Variants in ABCA5 observed in about 807,000 individuals in gnomAD.
The protein encoded by ABCA5 is ATP binding cassette subfamily A member 5, also known as cholesterol transporter ABCA5.
ABCA5 carries 163 observed loss-of-function variants against 206.0 expected under a neutral mutation model. The ratio of observed to expected loss-of-function variants is 0.79; its 90% confidence interval spans 0.70 to 0.90. The LOEUF (loss-of-function observed/expected upper bound fraction) is 0.90, where lower values mean the gene tolerates loss of function less well. ABCA5 is among the 40% of genes least tolerant of loss of function. The pLI is 0.00. For missense variants in ABCA5, 1,859 were observed against 1,912.9 expected (o/e 0.97, Z 0.53); for synonymous variants, 609 against 613.8 (o/e 0.99, Z 0.11).
intron 32 of ABCA5, 92 bp downstream of exon 32, chr17:69,254,223 G>A: frequency 9.6e-7 from 1 of 1,046,042 alleles, no homozygotes; most frequent in Non-Finnish European, 1.4e-6. Flanking sequence ...AAAAATCATT[G>A]TCCACAGAAA....
At chr17:69,265,854 A>G (rs2075201677) in intron 23 of ABCA5, among the ~76,000 whole-genome samples, 1 of 152,218 alleles carries the variant, frequency 6.6e-6, no homozygotes, top group African/African-American at 2.4e-5. Context: ...ATAAAATGGA[A>G]CACTCATCTT....
At chr17:69,310,280 C>T (rs1392746352) in intron 3 of ABCA5, among the ~76,000 whole-genome samples, 1 of 151,990 alleles carries the variant, frequency 6.6e-6, no homozygotes, top group Non-Finnish European at 1.5e-5. Flanking sequence ...GGTCGATAGT[C>T]ACTCATCACC....
chr17:69,265,823 C>T (rs2144923183), intron 23 of ABCA5, among the ~76,000 whole-genome samples: 2 of 152,304 alleles, frequency 1.3e-5, no homozygotes, highest in East Asian at 3.9e-4. Context: ...TTGTCATTCA[C>T]ACACTGCTGG....
chr17:69,312,811 C>T (rs1197495643), intron 3 of ABCA5, among the ~76,000 whole-genome samples: 2 of 152,026 alleles, frequency 1.3e-5, no homozygotes, highest in Non-Finnish European at 2.9e-5. Context: ...CCCATCAAAG[C>T]TTGTATCTTA....
chr17:69,309,285 G>A lies in ABCA5; in HGVS notation c.446C>T (p.Ser149Phe), dbSNP rs2075747499. ...ACCTCTTGAATCCATATAAATAGAAGATACTGGAATCATATCAGGAAAAAA... is the reference window on the plus strand; with the variant it reads ...ACCTCTTGAATCCATATAAATAGAAAATACTGGAATCATATCAGGAAAAAA... ...LRFFPDMIPV[S>F]SIYMDSRAGC... is the part of the protein sequence containing the mutation. The change falls in exon 4 of 39, where the codon TCT becomes TTT. Residue 149 changes from serine to phenylalanine, a missense_variant. Physicochemically the swap from Ser to Phe is radical, Grantham distance 155. Coordinates refer to ENST00000392676, the MANE Select transcript of ABCA5 (RefSeq NM_172232.4). 1.5e-5 allele frequency: 24 copies of A among 1,583,814 alleles called. No individual in the cohort carries two copies. The highest frequency in any genetic ancestry group is 2.0e-5 in the Non-Finnish European group (24 of 1,171,214).
At position 69,326,620 on chromosome 17, in the gene ABCA5, AC is replaced by A. The variant is rs2075898255; in HGVS notation, c.-16+431del. ...TCGCAGGGAAGAGCAAGCGCTCATT[AC>A]CCAGCTGTTCAGACGGAAATTTACA... On this transcript the variant is annotated intron_variant, in intron 1 of 38. Coordinates refer to ENST00000392676, the MANE Select transcript of ABCA5 (RefSeq NM_172232.4). The surrounding 1 kb of genome is among the most constrained non-coding windows in gnomAD (Gnocchi z 4.8). Among the ~76,000 whole-genome samples the A allele has an allele frequency of 6.6e-6, 1 of 152,298 alleles. No homozygotes were observed. Among genetic ancestry groups the A allele is most frequent in the East Asian group, 1.9e-4 (1 of 5,166 alleles).
intron 12 of ABCA5, among the ~76,000 whole-genome samples, chr17:69,290,318 C>T (rs544363469): frequency 6.6e-6 from 1 of 152,186 alleles, no homozygotes; most frequent in African/African-American, 2.4e-5. Context: ...ACTATTTACA[C>T]TTGTATTCCA....
At chr17:69,282,522 G>A (rs1183687366) in intron 18 of ABCA5, among the ~76,000 whole-genome samples, 1 of 152,148 alleles carries the variant, frequency 6.6e-6, no homozygotes, top group African/African-American at 2.4e-5. Context: ...TGTAATCCTA[G>A]CACTTTGGGA....
intron 8 of ABCA5, among the ~76,000 whole-genome samples, chr17:69,301,610 T>C (rs1435947294): frequency 6.6e-6 from 1 of 151,994 alleles, no homozygotes; most frequent in Non-Finnish European, 1.5e-5. Context: ...ATATTAATAA[T>C]AACAAATGCA....
At chr17:69,255,188 T>A (rs1598149146) in intron 31 of ABCA5, among the ~76,000 whole-genome samples, 1 of 152,100 alleles carries the variant, frequency 6.6e-6, no homozygotes, top group Non-Finnish European at 1.5e-5. Flanking sequence ...CACAAAGTGG[T>A]CAGTGACATG....
Position 69,314,311 on chromosome 17 carries a change from T to A in ABCA5, c.102+3A>T, listed in dbSNP as rs201282892. 5.8e-5 allele frequency: 93 copies of A among 1,599,588 alleles called. 1 individual carries two copies. The African/African-American group carries it at 1.2e-3, about 20-fold the overall frequency. Reference sequence around the variant, plus strand: ...AAGCATAAGAAAGAGTTATTTAACTTACCTGAACACTACTCTTTTTGGTTC... The same window carrying A: ...AAGCATAAGAAAGAGTTATTTAACTAACCTGAACACTACTCTTTTTGGTTC... On this transcript the variant is annotated splice_donor_region_variant and intron_variant, in intron 2 of 38. Coordinates refer to ENST00000392676, the MANE Select transcript of ABCA5 (RefSeq NM_172232.4).
chr17:69,247,310 A>G lies in ABCA5; in HGVS notation c.*227T>C, dbSNP rs192202781. ...GAAAAAGATGACATACAAACTATATAGTTCAATATACTTCAATACAAACAT... is the reference window on the plus strand; with the variant it reads ...GAAAAAGATGACATACAAACTATATGGTTCAATATACTTCAATACAAACAT... On this transcript the variant is annotated 3_prime_UTR_variant, in exon 39 of 39. Coordinates refer to ENST00000392676, the MANE Select transcript of ABCA5 (RefSeq NM_172232.4). 8.0e-6 allele frequency: 3 copies of G among 375,820 alleles called. No individual in the cohort carries two copies. The highest frequency in any genetic ancestry group is 4.2e-5 in the African/African-American group (2 of 47,114). The allele number at this position is 375,820 out of a possible 1,614,324, so 23.3% of individuals were successfully genotyped here.
intron 1 of ABCA5, among the ~76,000 whole-genome samples, chr17:69,318,551 T>G (rs1046945184): frequency 5.9e-5 from 9 of 152,154 alleles, no homozygotes; most frequent in African/African-American, 2.2e-4. Flanking sequence ...CTTCATGCTT[T>G]TTTTCTATGT....
At chr17:69,250,223 T>C (rs572959961) in intron 36 of ABCA5, among the ~76,000 whole-genome samples, 1 of 151,884 alleles carries the variant, frequency 6.6e-6, no homozygotes, top group South Asian at 2.1e-4. Flanking sequence ...AAGGCAGATA[T>C]AAAACACCAG....
At chr17:69,249,881 G>T (rs1412010796) in intron 37 of ABCA5, 24 bp downstream of exon 37, 2 of 1,551,568 alleles carry the variant, frequency 1.3e-6, no homozygotes, top group East Asian at 4.6e-5. Context: ...AATTTTATAA[G>T]CCAAAATAGA....
intron 18 of ABCA5, among the ~76,000 whole-genome samples, chr17:69,282,720 C>T (rs548812770): frequency 3.4e-5 from 5 of 148,228 alleles, no homozygotes; most frequent in Non-Finnish European, 7.4e-5. Flanking sequence ...TGCAGTGAGC[C>T]GGGATGGTGC....
chr17:69,271,396 G>A (rs1227042288), intron 20 of ABCA5, 107 bp from the exon 21 acceptor site: 22 of 1,203,568 alleles, frequency 1.8e-5, no homozygotes, highest in African/African-American at 9.4e-5. Flanking sequence ...TTTCATTAGC[G>A]AATACGCAAG....
Position 69,293,833 on chromosome 17 carries a change from GGTGTGT to G in ABCA5, c.1495+816_1495+821del, listed in dbSNP as rs61315865. Among the ~76,000 whole-genome samples the G allele has an allele frequency of 4.9e-3, 606 of 123,814 alleles. 3 individuals carry two copies. The highest frequency in any genetic ancestry group is 0.017 in the African/African-American group (559 of 33,422). The allele number at this position is 123,814 out of a possible 152,430, so 81.2% of individuals were successfully genotyped here. Reference sequence around the variant, plus strand: ...TAATCCCCCACCCTACAATCATACTGGTGTGTGTGTGTGTGTGTGTGTGTGTGTGTG... The same window carrying G: ...TAATCCCCCACCCTACAATCATACTGGTGTGTGTGTGTGTGTGTGTGTGTG... On this transcript the variant is annotated intron_variant, in intron 11 of 38. Coordinates refer to ENST00000392676, the MANE Select transcript of ABCA5 (RefSeq NM_172232.4).
chr17:69,320,145 T>C (rs1317926106), intron 1 of ABCA5, among the ~76,000 whole-genome samples: 1 of 152,194 alleles, frequency 6.6e-6, no homozygotes, highest in Non-Finnish European at 1.5e-5. Context: ...TATAAAAGTA[T>C]AACTAATATC....
Sources: allele counts gnomAD v4.1 joint callset (sites outside exome capture counted in the v4.1 genomes callset), GRCh38; gene constraint gnomAD v4.1.1; non-coding constraint Gnocchi (gnomAD v3.1); transcripts MANE v1.5; gene names NCBI Gene and HGNC (gene_info 2026-07-23, HGNC 2026-07-21).